The following PACRG variants were observed in gnomAD, a reference collection of about 807,000 sequenced individuals.
PACRG encodes parkin coregulated gene protein.
In PACRG, 29 loss-of-function variants were observed where a neutral mutation model predicts 29.7. The observed-to-expected ratio is 0.98, with a 90% CI of 0.73 to 1.33. The LOEUF is 1.33. PACRG is among the 40% of genes most tolerant of loss of function. PACRG has a pLI of 0.00. For missense variants in PACRG, 279 were observed against 316.2 expected (o/e 0.88, Z 0.89); for synonymous variants, 116 against 118.7 (o/e 0.98, Z 0.15).
chr6:163,173,760 G>T lies in PACRG; in HGVS notation c.613+84352G>T, dbSNP rs1469132733. 2.0e-5 allele frequency among the ~76,000 whole-genome samples: 3 copies of T among 152,218 alleles called. No homozygotes were observed. The East Asian group carries it at 5.8e-4, about 29-fold the overall frequency. On this transcript the variant is annotated intron_variant, in intron 4 of 4. Transcript: ENST00000366888. The stretch of plus-strand genomic sequence containing the variant: ...AGGGCACCTCAATGGGTGTCTGCAA[G>T]TTCCCAGCTCAGGAGCTTTCACCTC...
chr6:163,108,851 C>T (rs946967543), intron 4 of PACRG, among the ~76,000 whole-genome samples: 3 of 152,110 alleles, frequency 2.0e-5, no homozygotes, highest in African/African-American at 7.2e-5. Context: ...AAAGGTCTGC[C>T]TTGTACCTGA....
intron 2 of PACRG, among the ~76,000 whole-genome samples, chr6:162,943,630 A>G (rs1263224204): frequency 6.6e-6 from 1 of 152,040 alleles, no homozygotes; most frequent in Non-Finnish European, 1.5e-5. Flanking sequence ...CCACTTGGGG[A>G]GCCTGAGGAC....
intron 4 of PACRG, among the ~76,000 whole-genome samples, chr6:163,252,387 G>A (rs896433907): frequency 5.9e-5 from 9 of 152,238 alleles, no homozygotes; most frequent in Admixed American, 1.3e-4. Flanking sequence ...CGACATCATC[G>A]GGGAAACAAA....
intron 1 of PACRG, among the ~76,000 whole-genome samples, chr6:162,769,727 T>C (rs1191621341): frequency 6.6e-6 from 1 of 150,578 alleles, no homozygotes; most frequent in African/African-American, 2.5e-5. Context: ...AGTAGATTTA[T>C]ATGAACTCAA....
At chr6:162,865,583 T>G (rs544154325) in intron 2 of PACRG, among the ~76,000 whole-genome samples, 11 of 152,210 alleles carry the variant, frequency 7.2e-5, no homozygotes, top group African/African-American at 2.7e-4. Flanking sequence ...CTCTGCTATA[T>G]GATCCTGAAA....
chr6:162,780,053 A>G (rs1783975190), intron 1 of PACRG, among the ~76,000 whole-genome samples: 1 of 152,244 alleles, frequency 6.6e-6, no homozygotes, highest in Non-Finnish European at 1.5e-5. Context: ...AATGAGATGT[A>G]CAAAGAGAAC....
intron 4 of PACRG, chr6:163,245,246 C>A: frequency 4.5e-6 from 1 of 223,008 alleles, no homozygotes. Context: ...TCTACTTTCG[C>A]GGCACTTTTT....
chr6:162,863,863 G>A (rs1792075613), intron 2 of PACRG, among the ~76,000 whole-genome samples: 1 of 152,084 alleles, frequency 6.6e-6, no homozygotes, highest in Non-Finnish European at 1.5e-5. Flanking sequence ...TAATGTTATG[G>A]AGTTGTCTAC....
chr6:163,260,002 T>C (rs931384738), intron 4 of PACRG, among the ~76,000 whole-genome samples: 6 of 152,158 alleles, frequency 3.9e-5, no homozygotes, highest in African/African-American at 2.4e-5. Flanking sequence ...TGCCTGTGTG[T>C]TCCTGATGTC....
rs1445313887 is a variant in PACRG, at chr6:163,007,423, CT to C, written c.292-54725del. Among the ~76,000 whole-genome samples, 20 of 152,212 alleles carry C rather than the reference CT, an allele frequency of 1.3e-4. 2 individuals are homozygous for C. In the East Asian group the frequency reaches 3.9e-3, roughly 29 times the overall value. The stretch of plus-strand genomic sequence containing the variant: ...TGTCATTTTCCTTCTCCTTAAATAA[CT>C]TCCTTTCATATTTCTTGAAGTGCAG... On this transcript the variant is annotated intron_variant, in intron 2 of 4. Coordinates refer to ENST00000366888, the MANE Select transcript of PACRG (RefSeq NM_001080379.2).
intron 4 of PACRG, among the ~76,000 whole-genome samples, chr6:163,097,019 C>T (rs558098020): frequency 1.3e-5 from 2 of 152,312 alleles, no homozygotes; most frequent in East Asian, 3.9e-4. Flanking sequence ...TCTCCCTTCC[C>T]CCGAAGACAG....
rs1178513770 is a variant in PACRG at position 162,747,363 on chromosome 6, TAC to T, written c.156+18976_156+18977del. Among the ~76,000 whole-genome samples, 316 of 35,212 alleles carry T rather than the reference TAC, an allele frequency of 9.0e-3. 34 individuals carry two copies. The highest frequency in any genetic ancestry group is 0.042 in the South Asian group (32 of 762). 23.1% of individuals were successfully genotyped at this position (35,212 alleles called of 152,430 possible). ...ATATATATATATATATATATATATA[TAC>T]ACATACATATATATGTATATATATG... On this transcript the variant is annotated intron_variant, in intron 1 of 4. Coordinates refer to ENST00000366888, the MANE Select transcript of PACRG (RefSeq NM_001080379.2).
chr6:163,185,852 C>T (rs965192481), intron 4 of PACRG, among the ~76,000 whole-genome samples: 6 of 152,162 alleles, frequency 3.9e-5, no homozygotes, highest in South Asian at 2.1e-4. Context: ...GGTTGTGCAT[C>T]GGGAGAATTT....
intron 4 of PACRG, among the ~76,000 whole-genome samples, chr6:163,298,964 A>G (rs957943159): frequency 2.0e-4 from 31 of 152,166 alleles, no homozygotes; most frequent in Admixed American, 8.5e-4. Context: ...CCCCAAGTCC[A>G]TCTCTACCAC....
intron 3 of PACRG, among the ~76,000 whole-genome samples, chr6:163,085,245 A>G (rs1195878714): frequency 3.3e-5 from 5 of 152,182 alleles, no homozygotes; most frequent in South Asian, 2.1e-4. Flanking sequence ...CAACACACCC[A>G]TGTGATTCTG....
intron 1 of PACRG, among the ~76,000 whole-genome samples, chr6:162,766,375 G>A (rs115127663): frequency 5.3e-5 from 8 of 151,932 alleles, no homozygotes; most frequent in African/African-American, 1.5e-4. Flanking sequence ...TCATGTTGTC[G>A]CAAATGATAG....
intron 2 of PACRG, among the ~76,000 whole-genome samples, chr6:163,038,182 C>A (rs1808381237): frequency 6.6e-6 from 1 of 152,278 alleles, no homozygotes; most frequent in Non-Finnish European, 1.5e-5. Context: ...TGGACTTAGG[C>A]TCCAACATGT....
rs537220965 is a variant in PACRG, at chr6:163,008,646, C to T, written c.292-53504C>T. 2.0e-5 allele frequency among the ~76,000 whole-genome samples: 3 copies of T among 148,054 alleles called. No individual in the cohort carries two copies. The South Asian group carries it at 6.8e-4, about 34-fold the overall frequency. ...CTACGAGAGCCTGGGCCACCAGGAA[C>T]TTTATTCTCGCCATCCGAGATAGCG... is the stretch of plus-strand genomic sequence containing the variant. On this transcript the variant is annotated intron_variant, in intron 2 of 4. Transcript: ENST00000366888.
intron 2 of PACRG, among the ~76,000 whole-genome samples, chr6:163,043,728 T>C (rs1400561717): frequency 6.6e-6 from 1 of 152,196 alleles, no homozygotes; most frequent in Admixed American, 6.5e-5. Context: ...ACATGGAGAA[T>C]AACACGAGGG....
Sources: gnomAD v4.1 joint callset for allele counts (sites outside exome capture counted in the v4.1 genomes callset) on GRCh38, gnomAD v4.1.1 for gene constraint, MANE v1.5 for transcripts, NCBI Gene and HGNC (gene_info 2026-07-23, HGNC 2026-07-21) for gene names.